TENM3: variants seen among roughly 807,000 people sequenced by gnomAD.
TENM3 encodes teneurin transmembrane protein 3, also known as teneurin-3.
A neutral mutation model predicts 255.1 loss-of-function variants in TENM3; 63 were observed. The ratio of observed to expected loss-of-function variants is 0.25; its 90% CI spans 0.20 to 0.30. The LOEUF is 0.30. Among genes scored for constraint, TENM3 ranks in the 10% least tolerant of loss-of-function variants. The probability of loss-of-function intolerance (pLI) is 1.00; values close to 1 mark genes in which losing one functional copy is unlikely to be tolerated. For missense variants in TENM3, 2,929 were observed against 3,461.1 expected (o/e 0.85, Z 3.86); for synonymous variants, 1,306 against 1,322.3 (o/e 0.99, Z 0.27).
the TENM3 span, among the ~76,000 whole-genome samples, chr4:181,795,038 T>C: frequency 1.3e-5 from 2 of 152,166 alleles, no homozygotes; most frequent in African/African-American, 4.8e-5. Context: ...TACAATCCCT[T>C]GTATAGTTGG....
chr4:181,702,662 C>CAAT, the TENM3 span, among the ~76,000 whole-genome samples: 2 of 151,926 alleles, frequency 1.3e-5, no homozygotes, highest in Admixed American at 6.6e-5. Context: ...AAAATCCAGC[C>CAAT]AATAATAATA....
chr4:181,863,525 C>G, the TENM3 span, among the ~76,000 whole-genome samples: 1 of 152,024 alleles, frequency 6.6e-6, no homozygotes, highest in African/African-American at 2.4e-5. Context: ...CTCATGATAC[C>G]TGAATAAGAA....
the TENM3 span, among the ~76,000 whole-genome samples, chr4:181,548,324 G>C: frequency 1.3e-5 from 2 of 152,120 alleles, no homozygotes; most frequent in Non-Finnish European, 2.9e-5. Flanking sequence ...TATACCCAAA[G>C]GATTATAAAT....
At chr4:181,963,763 A>T in the TENM3 span, among the ~76,000 whole-genome samples, 1 of 152,216 alleles carries the variant, frequency 6.6e-6, no homozygotes, top group Non-Finnish European at 1.5e-5. Flanking sequence ...AGAGATAATT[A>T]AAACTTAATG....
Position 182,752,530 on chromosome 4 carries a change from C to G in TENM3, c.3862+498C>G, listed in dbSNP as rs910306072. Among the ~76,000 whole-genome samples the G allele has an allele frequency of 4.5e-3, 17 of 3,756 alleles. No individual in the cohort carries two copies. In the Non-Finnish European group the frequency reaches 0.12, roughly 26 times the overall value. The allele number at this position is 3,756 out of a possible 152,430, so 2.5% of individuals were successfully genotyped here. ...AGAGGAATTTTGGGAGGTAACAGGG[C>G]TAAAAAAATTCTACGTGATAAAGGC... On this transcript the variant is annotated intron_variant, in intron 20 of 27. Transcript: ENST00000511685.
intron 1 of TENM3, among the ~76,000 whole-genome samples, chr4:182,192,524 A>G (rs908143024): frequency 1.3e-5 from 2 of 152,356 alleles, no homozygotes; most frequent in Admixed American, 1.3e-4. Context: ...ACTGGCATAC[A>G]GTGAACGTCA....
chr4:181,998,178 T>A, the TENM3 span, among the ~76,000 whole-genome samples: 2 of 152,196 alleles, frequency 1.3e-5, no homozygotes, highest in Non-Finnish European at 2.9e-5. Context: ...TGACCCTTTT[T>A]AAAATCATGC....
At chr4:181,716,846 T>A in the TENM3 span, among the ~76,000 whole-genome samples, 1 of 152,158 alleles carries the variant, frequency 6.6e-6, no homozygotes, top group Non-Finnish European at 1.5e-5. Context: ...GTTGATATCA[T>A]AACACATATG....
the TENM3 span, among the ~76,000 whole-genome samples, chr4:181,842,536 C>T: frequency 6.6e-6 from 1 of 152,170 alleles, no homozygotes; most frequent in African/African-American, 2.4e-5. Context: ...TTCTCTGCAA[C>T]TCCCTTTTCG....
At chr4:181,893,157 T>C in the TENM3 span, among the ~76,000 whole-genome samples, 25 of 152,282 alleles carry the variant, frequency 1.6e-4, no homozygotes, top group African/African-American at 5.3e-4. Flanking sequence ...TCATTTATTA[T>C]AAATACATTG....
the TENM3 span, among the ~76,000 whole-genome samples, chr4:181,643,064 G>C: frequency 6.6e-6 from 1 of 152,092 alleles, no homozygotes; most frequent in Non-Finnish European, 1.5e-5. Flanking sequence ...AGCTTGATGG[G>C]GATAGCATTG....
At chr4:182,509,378 C>A (rs1737147279) in intron 3 of TENM3, among the ~76,000 whole-genome samples, 1 of 152,074 alleles carries the variant, frequency 6.6e-6, no homozygotes, top group Non-Finnish European at 1.5e-5. Context: ...TAGTAAGCAC[C>A]ATATAATGCT....
chr4:181,897,101 G>A, the TENM3 span, among the ~76,000 whole-genome samples: 14 of 152,282 alleles, frequency 9.2e-5, no homozygotes, highest in South Asian at 1.4e-3. Flanking sequence ...ATTCACCCTA[G>A]CCCAATTGTT....
chr4:182,101,620 A>G, the TENM3 span, among the ~76,000 whole-genome samples: 19,890 of 152,044 alleles, frequency 0.13, 1,333 homozygotes, highest in Middle Eastern at 0.25. Context: ...AGGGGGGATG[A>G]TGGGCAGGGC....
At chr4:181,692,237 A>G in the TENM3 span, among the ~76,000 whole-genome samples, 1 of 152,224 alleles carries the variant, frequency 6.6e-6, no homozygotes, top group Non-Finnish European at 1.5e-5. Flanking sequence ...TCAAGTAAAG[A>G]TATTCCAGCA....
At chr4:182,306,675 A>G (rs1169338169) in intron 1 of TENM3, among the ~76,000 whole-genome samples, 3 of 152,194 alleles carry the variant, frequency 2.0e-5, no homozygotes, top group Non-Finnish European at 4.4e-5. Context: ...ACTCTTGCCA[A>G]TAACATAATG....
chr4:181,719,163 G>A, the TENM3 span, among the ~76,000 whole-genome samples: 5 of 151,706 alleles, frequency 3.3e-5, no homozygotes, highest in Non-Finnish European at 5.9e-5. Context: ...CCGAGATCGC[G>A]CCACTGCAGT....
At chr4:182,461,472 C>A (rs1731975486) in intron 3 of TENM3, among the ~76,000 whole-genome samples, 1 of 152,122 alleles carries the variant, frequency 6.6e-6, no homozygotes, top group Non-Finnish European at 1.5e-5. Context: ...ACATGGAGGA[C>A]CATGAATTTC....
intron 3 of TENM3, among the ~76,000 whole-genome samples, chr4:182,524,899 C>T (rs2151805776): frequency 6.6e-6 from 1 of 151,666 alleles, no homozygotes; most frequent in Middle Eastern, 3.5e-3. Flanking sequence ...GTGGCGCGCA[C>T]CTGTGGTACG....
Sources: allele counts gnomAD v4.1 joint callset (sites outside exome capture counted in the v4.1 genomes callset), GRCh38; gene constraint gnomAD v4.1.1; transcripts MANE v1.5; gene names NCBI Gene and HGNC (gene_info 2026-07-23, HGNC 2026-07-21).